Variants in LRIG1 observed in about 807,000 individuals in gnomAD.
LRIG1 encodes leucine-rich repeats and immunoglobulin-like domains protein 1.
In LRIG1, 48 loss-of-function variants were observed where a neutral mutation model predicts 99.2. The ratio of observed to expected loss-of-function variants is 0.48; its 90% CI spans 0.38 to 0.62. LRIG1 has a LOEUF of 0.62. LRIG1 is among the 20% of genes least tolerant of loss of function. The pLI, the probability that LRIG1 is intolerant of heterozygous loss-of-function variation, is 0.00. For missense variants in LRIG1, 1,646 were observed against 1,434.4 expected (o/e 1.15, Z -2.38); for synonymous variants, 772 against 596.1 (o/e 1.29, Z -4.30).
intron 1 of LRIG1, among the ~76,000 whole-genome samples, chr3:66,490,507 C>G (rs1471508387): frequency 6.6e-6 from 1 of 152,126 alleles, no homozygotes; most frequent in Admixed American, 6.6e-5. Context: ...AAAACGAAAA[C>G]TAAGACGGAG....
chr3:66,385,083 TAA>T (rs1324758957), intron 13 of LRIG1, among the ~76,000 whole-genome samples: 1 of 152,184 alleles, frequency 6.6e-6, no homozygotes. Context: ...AGAGAGTTAG[TAA>T]TCAGGATAAC....
intron 3 of LRIG1, among the ~76,000 whole-genome samples, chr3:66,432,429 C>A (rs957422890): frequency 6.6e-6 from 1 of 152,152 alleles, no homozygotes; most frequent in Non-Finnish European, 1.5e-5. Flanking sequence ...GAAGGGGTGG[C>A]AGGAGTAGCC....
chr3:66,407,226 C>T lies in LRIG1; in HGVS notation c.1079+122G>A. ...TTGAGACTCTGCACATAGAGCAAGC[C>T]AGCTTTGGATCCAATTCTGACTCGA... On this transcript the variant is annotated intron_variant, in intron 8 of 18. Transcript: ENST00000273261. 2.9e-6 allele frequency: 3 copies of T among 1,042,368 alleles called. No homozygotes were observed. The Admixed American group carries it at 6.3e-5, about 22-fold the overall frequency. The allele number at this position is 1,042,368 out of a possible 1,614,324, so 64.6% of individuals were successfully genotyped here.
At chr3:66,430,792 C>A (rs777608686) in intron 3 of LRIG1, among the ~76,000 whole-genome samples, 2 of 152,216 alleles carry the variant, frequency 1.3e-5, no homozygotes, top group African/African-American at 2.4e-5. Flanking sequence ...CCAGAATTCC[C>A]AGCCACATAT....
chr3:66,407,656 G>A (rs1318484997), intron 7 of LRIG1, among the ~76,000 whole-genome samples, 165 bp from the exon 8 acceptor site: 2 of 152,212 alleles, frequency 1.3e-5, no homozygotes, highest in African/African-American at 2.4e-5. Context: ...GAATCCTGGG[G>A]GTAAAAGTGG....
intron 12 of LRIG1, chr3:66,387,759 A>G (rs1057449440): frequency 6.6e-6 from 1 of 152,066 alleles, no homozygotes; most frequent in East Asian, 1.9e-4. Flanking sequence ...CGGCAATTAT[A>G]GGCATATTCA....
At chr3:66,475,797 A>G (rs1700709245) in intron 1 of LRIG1, among the ~76,000 whole-genome samples, 1 of 152,236 alleles carries the variant, frequency 6.6e-6, no homozygotes, top group Admixed American at 6.5e-5. Flanking sequence ...AAGATCGTTT[A>G]TTCCTAGGGG....
intron 9 of LRIG1, among the ~76,000 whole-genome samples, chr3:66,403,591 G>C (rs969061354): frequency 6.6e-6 from 1 of 152,118 alleles, no homozygotes; most frequent in Admixed American, 6.5e-5. Flanking sequence ...GTCCAGCAGG[G>C]GGACAAAGGA....
intron 11 of LRIG1, among the ~76,000 whole-genome samples, chr3:66,395,132 AATG>A (rs1370969769): frequency 6.6e-6 from 1 of 152,236 alleles, no homozygotes; most frequent in African/African-American, 2.4e-5. Context: ...TGAGCTAAAG[AATG>A]ATGGCTGGCC....
chr3:66,404,353 C>T, intron 9 of LRIG1: 5 of 1,286,010 alleles, frequency 3.9e-6, no homozygotes, highest in Non-Finnish European at 5.1e-6. Context: ...CGGCAGCCGT[C>T]CTCTCTGTCT....
intron 3 of LRIG1, among the ~76,000 whole-genome samples, chr3:66,419,982 CAG>C (rs1006958295): frequency 1.3e-5 from 2 of 152,138 alleles, no homozygotes; most frequent in African/African-American, 4.8e-5. Flanking sequence ...ACCCAGCAGC[CAG>C]AGAGACCCGC....
rs545323126 is a variant in LRIG1 at position 66,497,432 on chromosome 3, AG to A, written c.218+2757del. Among the ~76,000 whole-genome samples the A allele has an allele frequency of 5.2e-3, 785 of 152,284 alleles. 4 individuals carry two copies. The highest frequency in any genetic ancestry group is 8.6e-3 in the Admixed American group (132 of 15,296). On this transcript the variant is annotated intron_variant, in intron 1 of 18. Coordinates refer to ENST00000273261, the MANE Select transcript of LRIG1 (RefSeq NM_015541.3). ...TCTCAGGTTCTGGGAAGTTGGAATA[AG>A]GCTTGGCAGTGGCTTGGTGCTATTT... is the stretch of plus-strand genomic sequence containing the variant.
In LRIG1 at chr3:66,380,790, G is replaced by A. The variant is rs766808977; in HGVS notation, c.2842C>T (p.His948Tyr). The change falls in exon 18 of 19, where the codon CAC (histidine) becomes TAC (tyrosine). Residue 948 changes from histidine (H) to tyrosine (Y), a missense_variant. Transcript: ENST00000273261. ...VDCYSRGQAFHPQPVSRDSAQ... is the reference protein window; with the variant it reads ...VDCYSRGQAFYPQPVSRDSAQ... ...CTGTCTCTGGACACAGGCTGGGGGT[G>A]GAAGGCTTGTCCCCTGGAGTAACAG... The A allele has an allele frequency of 3.7e-6, 6 of 1,614,228 alleles. No individual in the cohort carries two copies. The highest frequency in any genetic ancestry group is 1.6e-4 in the Middle Eastern group (1 of 6,062).
chr3:66,380,715 C>T lies in LRIG1; in HGVS notation c.2917G>A (p.Glu973Lys), dbSNP rs142768185. ...NGPEPGGSDQEHSPHHQCSRT... is the reference protein window; with the variant it reads ...NGPEPGGSDQKHSPHHQCSRT... ...CTGCACTGGTGATGTGGAGAATGCT[C>T]TTGGTCACTCCCACCCGGCTCCGGG... The change falls in exon 18 of 19, where the codon GAG (glutamate) becomes AAG (lysine). Residue 973 changes from glutamate to lysine, a missense_variant. Glu to Lys is a moderately conservative substitution (Grantham distance 56, BLOSUM62 1). Coordinates refer to ENST00000273261, the MANE Select transcript of LRIG1 (RefSeq NM_015541.3). 152 of 1,614,076 alleles carry T rather than the reference C, an allele frequency of 9.4e-5. No individual in the cohort carries two copies. Among genetic ancestry groups the T allele is most frequent in the Non-Finnish European group, 1.3e-4 (148 of 1,180,040 alleles).
intron 9 of LRIG1, chr3:66,404,327 G>A (rs781661930): frequency 3.1e-5 from 40 of 1,287,656 alleles, no homozygotes; most frequent in South Asian, 6.2e-5. Flanking sequence ...ACTGGGGACG[G>A]GCTGGGGGAA....
At chr3:66,385,634 G>A (rs146573059) in intron 13 of LRIG1, among the ~76,000 whole-genome samples, 5,271 of 152,106 alleles carry the variant, frequency 0.035, 128 homozygotes, top group Non-Finnish European at 0.055. Flanking sequence ...TGTATTTTTA[G>A]TAGAGACGGG....
At chr3:66,390,017 G>A (rs933575567) in intron 12 of LRIG1, among the ~76,000 whole-genome samples, 2 of 152,032 alleles carry the variant, frequency 1.3e-5, no homozygotes, top group Non-Finnish European at 1.5e-5. Flanking sequence ...TAACTAAAAA[G>A]AAGTCAGATG....
In LRIG1 at chr3:66,491,678, TAAAAA is replaced by T. The variant is rs202138801; in HGVS notation, c.218+8507_218+8511del. Among the ~76,000 whole-genome samples the T allele has an allele frequency of 2.0e-5, 3 of 152,028 alleles. No homozygotes were observed. The South Asian group carries it at 6.2e-4, about 32-fold the overall frequency. ...TTATATCTCAATAAAGCTGTTAACTTAAAAAAAACCTATACATTTGCAGATAAAAT... is the reference window on the plus strand; with the variant it reads ...TTATATCTCAATAAAGCTGTTAACTTAAACCTATACATTTGCAGATAAAAT... On this transcript the variant is annotated intron_variant, in intron 1 of 18. Coordinates refer to ENST00000273261, the MANE Select transcript of LRIG1 (RefSeq NM_015541.3).
Position 66,380,247 on chromosome 3 carries a change from C to T in LRIG1, c.*16G>A, listed in dbSNP as rs761607455. 2 of 1,599,698 alleles carry T rather than the reference C, an allele frequency of 1.3e-6. No individual in the cohort carries two copies. Among genetic ancestry groups the T allele is most frequent in the South Asian group, 1.1e-5 (1 of 89,032 alleles). On this transcript the variant is annotated 3_prime_UTR_variant, in exon 19 of 19. Coordinates refer to ENST00000273261, the MANE Select transcript of LRIG1 (RefSeq NM_015541.3). Reference sequence around the variant, plus strand: ...CCCGTAGAGATTGGTATGACAAGAACTGAGGTAGACAAAACCTAGCTTTTT... The same window carrying T: ...CCCGTAGAGATTGGTATGACAAGAATTGAGGTAGACAAAACCTAGCTTTTT...
Sources: allele counts gnomAD v4.1 joint callset (sites outside exome capture counted in the v4.1 genomes callset), GRCh38; gene constraint gnomAD v4.1.1; transcripts MANE v1.5; gene names NCBI Gene and HGNC (gene_info 2026-07-23, HGNC 2026-07-21).